TGIF1: variants seen among roughly 807,000 people sequenced by gnomAD.
The protein encoded by TGIF1 is TGFB induced factor homeobox 1.
In TGIF1, 4 loss-of-function variants were observed where a neutral mutation model predicts 19.3. The ratio of observed to expected loss-of-function variants is 0.21; its 90% confidence interval spans 0.10 to 0.47. The LOEUF is 0.47. Among genes scored for constraint, TGIF1 ranks in the 20% least tolerant of loss-of-function variants. The pLI is 0.98. For missense variants in TGIF1, 275 were observed against 341.4 expected (o/e 0.81, Z 1.53); for synonymous variants, 122 against 129.3 (o/e 0.94, Z 0.38).
intron 1 of TGIF1, chr18:3,415,234 C>T (rs1206510547): frequency 8.9e-6 from 2 of 225,216 alleles, no homozygotes; most frequent in Middle Eastern, 5.4e-4. Context: ...CAGCTTCTGT[C>T]GATGCTGCCT....
chr18:3,445,088 T>C (rs2082722639), intron 2 of TGIF1, among the ~76,000 whole-genome samples: 1 of 152,182 alleles, frequency 6.6e-6, no homozygotes. Context: ...GAAAGAATGA[T>C]CCAGCCCCAA....
chr18:3,451,782 C>G lies in TGIF1; in HGVS notation c.16+1277C>G. ...CAACTGGCAGTCGTTGTTGGTAGAA[C>G]GCCCTAAGGACCCCTCCCCGCGGGA... On this transcript the variant is annotated intron_variant, in intron 1 of 2. Transcript: ENST00000343820. This position sits in a 1 kb window ranked among gnomAD's most constrained non-coding sequence, Gnocchi z 5.4. 1 of 1,261,062 alleles carries G rather than the reference C, an allele frequency of 7.9e-7. No individual in the cohort carries two copies. The highest frequency in any genetic ancestry group is 3.4e-5 in the South Asian group (1 of 29,450). The allele number at this position is 1,261,062 out of a possible 1,614,324, so 78.1% of individuals were successfully genotyped here. A position where few individuals can be genotyped will look rare whatever the true frequency, so the allele number is the denominator to read the frequency against.
chr18:3,422,848 G>A (rs757214166), intron 2 of TGIF1, among the ~76,000 whole-genome samples: 12 of 151,824 alleles, frequency 7.9e-5, no homozygotes, highest in African/African-American at 2.7e-4. Flanking sequence ...CCGCCACCAC[G>A]CCCAGCTAAT....
chr18:3,416,729 C>T (rs1314360786), intron 1 of TGIF1, among the ~76,000 whole-genome samples: 2 of 152,002 alleles, frequency 1.3e-5, no homozygotes, highest in African/African-American at 4.8e-5. Context: ...GTCAGGAGTT[C>T]AAGACCAGCC....
chr18:3,414,339 A>G (rs1002714141), intron 1 of TGIF1, among the ~76,000 whole-genome samples: 5 of 152,224 alleles, frequency 3.3e-5, no homozygotes, highest in African/African-American at 1.2e-4. Context: ...TGAGTCTAGA[A>G]TTGATATTCT....
At chr18:3,416,789 G>A (rs1018585421) in intron 1 of TGIF1, among the ~76,000 whole-genome samples, 1 of 151,570 alleles carries the variant, frequency 6.6e-6, no homozygotes. Context: ...AAAATTAGCC[G>A]GGCGTGTTGG....
At chr18:3,449,116 G>A (rs1434484371), upstream of TGIF1, among the ~76,000 whole-genome samples, 1 of 152,160 alleles carries the variant, frequency 6.6e-6, no homozygotes, top group Non-Finnish European at 1.5e-5. Context: ...GTCTTTGAAA[G>A]CGCAATTTCA....
Position 3,451,885 on chromosome 18 carries a change from G to A in TGIF1, c.16+1380G>A. 1.4e-6 allele frequency: 2 copies of A among 1,458,784 alleles called. No individual in the cohort carries two copies. The highest frequency in any genetic ancestry group is 1.8e-6 in the Non-Finnish European group (2 of 1,105,662). The allele number at this position is 1,458,784 out of a possible 1,614,324, so 90.4% of individuals were successfully genotyped here. On this transcript the variant is annotated intron_variant, in intron 1 of 2. Coordinates refer to ENST00000343820, the MANE Select transcript of TGIF1 (RefSeq NM_003244.4). The surrounding 1 kb of genome is among the most constrained non-coding windows in gnomAD (Gnocchi z 5.4). ...GCGTCCGAGACGCCCCGTGAAAGCC[G>A]TGCCGACCCTTGGGAGGACTGACAG... is the stretch of plus-strand genomic sequence containing the variant.
intron 2 of TGIF1, among the ~76,000 whole-genome samples, chr18:3,426,889 G>T (rs1485634542): frequency 1.3e-5 from 2 of 150,912 alleles, no homozygotes; most frequent in African/African-American, 2.4e-5. Flanking sequence ...GTACTATGCA[G>T]CGGTAAAAAA....
chr18:3,449,538 T>TC (rs1254573531), upstream of TGIF1: 1,352 of 963,008 alleles, frequency 1.4e-3, 7 homozygotes, highest in African/African-American at 0.022. Context: ...GTCTCATCAT[T>TC]CCCCCCCGCC....
rs751876739 is a variant in TGIF1 at position 3,450,449 on chromosome 18, C to G, written c.-41C>G. The G allele has an allele frequency of 1.4e-5, 22 of 1,553,638 alleles. No individual in the cohort carries two copies. In the East Asian group the frequency reaches 2.4e-4, roughly 17 times the overall value. ...CCTGTGTCCCCGCTCCTGGCCCCTCCAGACCCCCGCCTTGCCTCGCGCTGG... is the reference window on the plus strand; with the variant it reads ...CCTGTGTCCCCGCTCCTGGCCCCTCGAGACCCCCGCCTTGCCTCGCGCTGG... On this transcript the variant is annotated 5_prime_UTR_variant, in exon 1 of 3. Coordinates refer to ENST00000343820, the MANE Select transcript of TGIF1 (RefSeq NM_003244.4).
In TGIF1 at chr18:3,457,238, C is replaced by T. The variant is rs2049385020; in HGVS notation, c.244-127C>T. 9.4e-7 allele frequency: 1 copy of T among 1,058,564 alleles called. No homozygotes were observed. Among genetic ancestry groups the T allele is most frequent in the African/African-American group, 1.6e-5 (1 of 63,400 alleles). The allele number at this position is 1,058,564 out of a possible 1,614,324, so 65.6% of individuals were successfully genotyped here. ...ATACCTTGAAATAACATTGTAAATT[C>T]AGATAAGGCTTTTCATGCTTTCTTT... On this transcript the variant is annotated intron_variant, in intron 2 of 2. Transcript: ENST00000343820. This position sits in a 1 kb window ranked among gnomAD's most constrained non-coding sequence, Gnocchi z 4.9.
intron 2 of TGIF1, among the ~76,000 whole-genome samples, chr18:3,444,376 C>T (rs1352762701): frequency 6.9e-6 from 1 of 145,146 alleles, no homozygotes; most frequent in Non-Finnish European, 1.5e-5. Context: ...GAAAACATGT[C>T]ACAGGGTTTG....
chr18:3,451,769 G>A lies in TGIF1; in HGVS notation c.16+1264G>A. The A allele has an allele frequency of 8.0e-7, 1 of 1,255,870 alleles. No individual in the cohort carries two copies. Among genetic ancestry groups the A allele is most frequent in the Non-Finnish European group, 1.0e-6 (1 of 1,001,202 alleles). The allele number at this position is 1,255,870 out of a possible 1,614,324, so 77.8% of individuals were successfully genotyped here. On this transcript the variant is annotated intron_variant, in intron 1 of 2. Transcript: ENST00000343820. This position sits in a 1 kb window ranked among gnomAD's most constrained non-coding sequence, Gnocchi z 5.4. ...TTGAAACTCGGATCAACTGGCAGTC[G>A]TTGTTGGTAGAACGCCCTAAGGACC...
chr18:3,418,465 A>G (rs2082360227), intron 2 of TGIF1: 1 of 152,244 alleles, frequency 6.6e-6, no homozygotes, highest in South Asian at 2.1e-4. Flanking sequence ...ATTTGCATAT[A>G]ACCTGTGCAT....
chr18:3,454,576 A>T (rs1009970462), intron 1 of TGIF1, among the ~76,000 whole-genome samples: 2 of 152,202 alleles, frequency 1.3e-5, no homozygotes, highest in Non-Finnish European at 2.9e-5. Context: ...AAGCTATTTT[A>T]TTAATAGTTC....
chr18:3,448,354 G>T (rs968759719), upstream of TGIF1: 1 of 1,004,928 alleles, frequency 1.0e-6, no homozygotes, highest in African/African-American at 1.7e-5. Context: ...AAATAGCGAG[G>T]CGGCCCCCTC....
chr18:3,421,866 A>G (rs1040230052), intron 2 of TGIF1, among the ~76,000 whole-genome samples: 4 of 152,072 alleles, frequency 2.6e-5, no homozygotes, highest in Admixed American at 6.6e-5. Flanking sequence ...TATTGCCCCA[A>G]AGACCTCTCA....
At chr18:3,449,538 T>TTGCCCCCCCCCC, upstream of TGIF1, 15 of 961,932 alleles carry the variant, frequency 1.6e-5, no homozygotes, top group Non-Finnish European at 1.8e-5. Flanking sequence ...GTCTCATCAT[T>TTGCCCCCCCCCC]CCCCCCCGCC....
Sources: gnomAD v4.1 joint callset for allele counts (sites outside exome capture counted in the v4.1 genomes callset) on GRCh38, gnomAD v4.1.1 for gene constraint, Gnocchi (gnomAD v3.1) non-coding constraint, MANE v1.5 for transcripts, NCBI Gene and HGNC (gene_info 2026-07-23, HGNC 2026-07-21) for gene names.